SEMA3A: variants seen among roughly 807,000 people sequenced by gnomAD.
The protein encoded by SEMA3A is semaphorin-3A.
A neutral mutation model predicts 97.9 loss-of-function variants in SEMA3A; 29 were observed. That is an observed-to-expected ratio of 0.30 (90% confidence interval 0.22 to 0.40). The LOEUF is 0.40. Ranked by LOEUF, SEMA3A falls within the 10% of genes least tolerant of loss-of-function variation. The pLI is 1.00. For missense variants in SEMA3A, 763 were observed against 951.3 expected (o/e 0.80, Z 2.60); for synonymous variants, 321 against 323.7 (o/e 0.99, Z 0.09).
At chr7:84,206,387 A>C (rs1798495240) in intron 3 of SEMA3A, among the ~76,000 whole-genome samples, 1 of 140,958 alleles carries the variant, frequency 7.1e-6, no homozygotes. Flanking sequence ...CAGTGGCATG[A>C]TCTTGGCTCA....
At chr7:84,035,479 G>A (rs1216097458) in intron 6 of SEMA3A, among the ~76,000 whole-genome samples, 1 of 151,856 alleles carries the variant, frequency 6.6e-6, no homozygotes, top group Non-Finnish European at 1.5e-5. Context: ...AATTACTTAA[G>A]AAAATTATTT....
intron 3 of SEMA3A, among the ~76,000 whole-genome samples, chr7:84,273,246 C>T (rs895662653): frequency 2.0e-5 from 3 of 151,990 alleles, no homozygotes; most frequent in African/African-American, 7.2e-5. Context: ...TAGGTATTCA[C>T]CTCAAGGCCA....
At chr7:84,400,667 C>T (rs1016157742) in intron 1 of SEMA3A, among the ~76,000 whole-genome samples, 2 of 152,134 alleles carry the variant, frequency 1.3e-5, no homozygotes, top group South Asian at 2.1e-4. Flanking sequence ...TAAGATTTAT[C>T]GGCCTTAAAG....
In SEMA3A at chr7:84,417,827, G is replaced by T. The variant is rs192808074; in HGVS notation, c.-245-45927C>A. On this transcript the variant is annotated intron_variant, in intron 1 of 3. Transcript: ENST00000424555. ...AGAGGACTCTTCATAAATTTAAATT[G>T]CAGGTGTAATGGTTCAGAATTATGA... Among the ~76,000 whole-genome samples the T allele has an allele frequency of 7.0e-4, 106 of 152,060 alleles. 1 individual carries two copies. The highest frequency in any genetic ancestry group is 2.4e-3 in the African/African-American group (98 of 41,504).
intron 1 of SEMA3A, among the ~76,000 whole-genome samples, chr7:84,157,462 GT>G (rs80291198): frequency 0.09 from 13,665 of 151,688 alleles, 730 homozygotes; most frequent in Non-Finnish European, 0.11. Flanking sequence ...CCACAACACT[GT>G]TTAAAATCTC....
chr7:84,360,856 T>C (rs1471836246), intron 2 of SEMA3A, among the ~76,000 whole-genome samples: 1 of 151,942 alleles, frequency 6.6e-6, no homozygotes. Context: ...TGCAGTGGCA[T>C]GATCTTGGCT....
intron 1 of SEMA3A, among the ~76,000 whole-genome samples, chr7:84,178,778 A>C (rs1797650131): frequency 6.6e-6 from 1 of 152,254 alleles, no homozygotes; most frequent in African/African-American, 2.4e-5. Context: ...TGCTCATAGA[A>C]GTTACTTGCC....
chr7:84,444,332 C>CA (rs535172335), intron 1 of SEMA3A, among the ~76,000 whole-genome samples: 124 of 151,916 alleles, frequency 8.2e-4, no homozygotes, highest in Non-Finnish European at 1.6e-3. Context: ...TATCTAGGTG[C>CA]AAAAAAATGT....
At chr7:84,175,514 G>C (rs1309598216) in intron 1 of SEMA3A, among the ~76,000 whole-genome samples, 1 of 152,132 alleles carries the variant, frequency 6.6e-6, no homozygotes, top group East Asian at 1.9e-4. Context: ...TTCCCTTGTA[G>C]GGTTCACCAC....
chr7:84,022,824 A>C (rs1023681118), intron 6 of SEMA3A, among the ~76,000 whole-genome samples: 1 of 152,212 alleles, frequency 6.6e-6, no homozygotes, highest in African/African-American at 2.4e-5. Flanking sequence ...TTGGGGAAGA[A>C]ACTTTGTATT....
chr7:84,228,423 A>C (rs1799041964), intron 3 of SEMA3A, among the ~76,000 whole-genome samples: 2 of 152,046 alleles, frequency 1.3e-5, no homozygotes, highest in African/African-American at 2.4e-5. Flanking sequence ...TTAAAAATAG[A>C]CTATATATAT....
rs1165704929 is a variant in SEMA3A, at chr7:84,064,099, A to AG, written c.454-3542dup. 4.6e-5 allele frequency among the ~76,000 whole-genome samples: 7 copies of AG among 152,232 alleles called. 1 individual carries two copies. In the South Asian group the frequency reaches 1.2e-3, roughly 27 times the overall value. On this transcript the variant is annotated intron_variant, in intron 4 of 16. Coordinates refer to ENST00000265362, the MANE Select transcript of SEMA3A (RefSeq NM_006080.3). Reference sequence around the variant, plus strand: ...GCAGAAACCCTACAAGCCAGAAGAGAGGGGGGGCCAATATTCAACATTCTT... The same window carrying AG: ...GCAGAAACCCTACAAGCCAGAAGAGAGGGGGGGGCCAATATTCAACATTCTT...
chr7:84,306,045 A>G (rs993956708), intron 3 of SEMA3A, among the ~76,000 whole-genome samples: 2 of 151,824 alleles, frequency 1.3e-5, no homozygotes, highest in African/African-American at 4.8e-5. Context: ...TGCTCTACCA[A>G]TTCTAAAGAT....
intron 1 of SEMA3A, among the ~76,000 whole-genome samples, chr7:84,481,138 T>G (rs1562961416): frequency 6.6e-6 from 1 of 152,154 alleles, no homozygotes; most frequent in African/African-American, 2.4e-5. Context: ...GTTCTTTGTA[T>G]TTTCTAGCTC....
chr7:84,145,317 C>T (rs1025008312), intron 1 of SEMA3A, among the ~76,000 whole-genome samples: 1 of 152,094 alleles, frequency 6.6e-6, no homozygotes, highest in Non-Finnish European at 1.5e-5. Context: ...GCTGTCTTTA[C>T]TTATTTTTGT....
In SEMA3A at chr7:84,046,729, C is replaced by T. The variant is rs372583079; in HGVS notation, c.548-286G>A. Among the ~76,000 whole-genome samples the T allele has an allele frequency of 9.2e-5, 14 of 152,034 alleles. No individual in the cohort carries two copies. In the East Asian group the frequency reaches 9.7e-4, roughly 11 times the overall value. ...TCTGATTCAGTGAATCTTGCTAAAACATAAAATTTTATTATTTTCTACTAT... is the reference window on the plus strand; with the variant it reads ...TCTGATTCAGTGAATCTTGCTAAAATATAAAATTTTATTATTTTCTACTAT... On this transcript the variant is annotated intron_variant, in intron 5 of 16. Coordinates refer to ENST00000265362, the MANE Select transcript of SEMA3A (RefSeq NM_006080.3).
intron 4 of SEMA3A, among the ~76,000 whole-genome samples, chr7:84,101,817 ATT>A (rs1468296476): frequency 2.0e-5 from 3 of 152,096 alleles, no homozygotes; most frequent in Admixed American, 6.6e-5. Context: ...AAATGAAACT[ATT>A]GAACATGTGA....
rs78691572 is a variant in SEMA3A at position 84,042,367 on chromosome 7, C to T, written c.667+3957G>A. Among the ~76,000 whole-genome samples, 4 of 152,074 alleles carry T rather than the reference C, an allele frequency of 2.6e-5. No homozygotes were observed. In the South Asian group the frequency reaches 6.2e-4, roughly 24 times the overall value. On this transcript the variant is annotated intron_variant, in intron 6 of 16. Transcript: ENST00000265362. ...GGTCTTCCTGAAATGAGTGGGAAGG[C>T]GTCACACTCCAGGCATTGTAATTAG... is the stretch of plus-strand genomic sequence containing the variant.
chr7:84,066,277 A>C (rs2115725790), intron 4 of SEMA3A, among the ~76,000 whole-genome samples: 1 of 152,244 alleles, frequency 6.6e-6, no homozygotes. Flanking sequence ...ATTTCAAAAT[A>C]ATAAGAGCTA....
Sources: allele counts gnomAD v4.1 joint callset (sites outside exome capture counted in the v4.1 genomes callset), GRCh38; gene constraint gnomAD v4.1.1; transcripts MANE v1.5; gene names NCBI Gene and HGNC (gene_info 2026-07-23, HGNC 2026-07-21).